MMP21: variants seen among roughly 807,000 people sequenced by gnomAD.
MMP21 encodes the protein matrix metallopeptidase 21.
In MMP21, 40 loss-of-function variants were observed where a neutral mutation model predicts 47.8. The ratio of observed to expected loss-of-function variants is 0.84; its 90% CI spans 0.65 to 1.09. MMP21 has a LOEUF of 1.09. Ranked by LOEUF, MMP21 falls within the 50% of genes least tolerant of loss-of-function variation. The pLI is 0.00. For missense variants in MMP21, 747 were observed against 775.3 expected, an observed-to-expected ratio of 0.96 and a Z score of 0.43; for synonymous variants, 341 against 318.0, an observed-to-expected ratio of 1.07 and a Z score of -0.77.
At chr10:125,771,055 T>A (rs979413450) in intron 4 of MMP21, among the ~76,000 whole-genome samples, 8 of 151,332 alleles carry the variant, frequency 5.3e-5, no homozygotes, top group African/African-American at 1.9e-4. Flanking sequence ...CAGATTGAGG[T>A]GGTGCGCAGA....
At position 125,774,263 on chromosome 10, in the gene MMP21, C is replaced by T. The variant is rs1039483424; in HGVS notation, c.265G>A (p.Val89Met). 7.1e-7 allele frequency: 1 copy of T among 1,415,534 alleles called. No homozygotes were observed. Among genetic ancestry groups the T allele is most frequent in the Admixed American group, 3.1e-5 (1 of 32,342 alleles). The allele number at this position is 1,415,534 out of a possible 1,614,324, so 87.7% of individuals were successfully genotyped here. A position where few individuals can be genotyped will look rare whatever the true frequency, so the allele number is the denominator to read the frequency against. Reference sequence around the variant, plus strand: ...GCGTTCGCCCGCTGGAACCTGCGCACCGCCTCGGCCAGGGCGGCGCCCTTG... The same window carrying T: ...GCGTTCGCCCGCTGGAACCTGCGCATCGCCTCGGCCAGGGCGGCGCCCTTG... The part of the protein sequence containing the change: ...TPKGAALAEA[V>M]RRFQRANALP... The change falls in exon 2 of 7, where the codon GTG (valine) becomes ATG (methionine). Residue 89 changes from valine to methionine, a missense_variant. Physicochemically the swap from Val to Met is conservative, Grantham distance 21. Coordinates refer to ENST00000368808, the MANE Select transcript of MMP21 (RefSeq NM_147191.1).
In MMP21 at chr10:125,766,639, C is replaced by G; in HGVS notation, c.*23G>C. 1 of 1,556,764 alleles carries G rather than the reference C, an allele frequency of 6.4e-7. No homozygotes were observed. On this transcript the variant is annotated 3_prime_UTR_variant, in exon 7 of 7. Coordinates refer to ENST00000368808, the MANE Select transcript of MMP21 (RefSeq NM_147191.1). ...CAGAATTTTAGCGAAGTCCTATGAC[C>G]CTCCATTTCCTACTTTTTCTTATTA...
intron 1 of MMP21, among the ~76,000 whole-genome samples, 199 bp downstream of exon 1, chr10:125,775,461 C>T (rs1022742163): frequency 2.0e-5 from 3 of 152,200 alleles, no homozygotes; most frequent in Non-Finnish European, 4.4e-5. Flanking sequence ...GTGGGATTGT[C>T]GAATCAGGTT....
In MMP21 at chr10:125,766,525, T is replaced by C. The variant is rs1012970380; in HGVS notation, c.*137A>G. On this transcript the variant is annotated 3_prime_UTR_variant, in exon 7 of 7. Transcript: ENST00000368808. ...GTTTTTAAATCAAGTATTTTAAAAG[T>C]TCAACTAAGGCTTTTCCCATTGGGT... is the stretch of plus-strand genomic sequence containing the variant. The C allele has an allele frequency of 1.1e-4, 66 of 622,638 alleles. No homozygotes were observed. The highest frequency in any genetic ancestry group is 9.7e-5 in the Non-Finnish European group (37 of 381,890). 38.6% of individuals were successfully genotyped at this position (622,638 alleles called of 1,614,324 possible). A position where few individuals can be genotyped will look rare whatever the true frequency, so the allele number is the denominator to read the frequency against.
At position 125,772,508 on chromosome 10, in the gene MMP21, C is replaced by T. The variant is rs953258893; in HGVS notation, c.837+103G>A. On this transcript the variant is annotated intron_variant, in intron 3 of 6. Transcript: ENST00000368808. This position sits in a 1 kb window ranked among gnomAD's most constrained non-coding sequence, Gnocchi z 5.6. The stretch of plus-strand genomic sequence containing the variant: ...GGGAGCCATTCCACGGATTCACCTC[C>T]TCAGAGGTTGCGGACACTACATGAG... The T allele has an allele frequency of 6.3e-7, 1 of 1,582,898 alleles. No individual in the cohort carries two copies. Among genetic ancestry groups the T allele is most frequent in the African/African-American group, 1.3e-5 (1 of 74,486 alleles).
chr10:125,774,212 C>A lies in MMP21; in HGVS notation c.316G>T (p.Ala106Ser). 2.2e-6 allele frequency: 3 copies of A among 1,371,272 alleles called. No homozygotes were observed. In the East Asian group the frequency reaches 9.6e-5, roughly 44 times the overall value. The allele number at this position is 1,371,272 out of a possible 1,614,324, so 84.9% of individuals were successfully genotyped here. The change falls in exon 2 of 7, where the codon GCG (alanine) becomes TCG (serine). Residue 106 changes from alanine to serine, a missense_variant. Ala to Ser is a moderately conservative substitution (Grantham distance 99). Transcript: ENST00000368808. Reference protein sequence around the residue: ...NALPASGELDAATLAAMNRPR... With the variant: ...NALPASGELDSATLAAMNRPR... ...CGGTTCATGGCCGCTAGGGTGGCCG[C>A]GTCCAGCTCCCCGCTGGCCGGCAGC... is the stretch of plus-strand genomic sequence containing the variant.
At chr10:125,771,032 A>C (rs1347356051) in intron 4 of MMP21, among the ~76,000 whole-genome samples, 1 of 151,406 alleles carries the variant, frequency 6.6e-6, no homozygotes, top group African/African-American at 2.4e-5. Flanking sequence ...CCTATCTTGA[A>C]AAGAAAAAAA....
Position 125,774,269 on chromosome 10 carries a change from C to G in MMP21, c.259G>C (p.Glu87Gln), listed in dbSNP as rs1342986360. Residue 87 changes from glutamate to glutamine, a missense_variant, in exon 2 of 7, where the codon GAG becomes CAG. Coordinates refer to ENST00000368808, the MANE Select transcript of MMP21 (RefSeq NM_147191.1). ...PETPKGAALAEAVRRFQRANA... is the reference protein window; with the variant it reads ...PETPKGAALAQAVRRFQRANA... ...GCCCGCTGGAACCTGCGCACCGCCT[C>G]GGCCAGGGCGGCGCCCTTGGGGGTC... The G allele has an allele frequency of 2.1e-6, 3 of 1,414,268 alleles. No homozygotes were observed. In the Admixed American group the frequency reaches 9.4e-5, roughly 44 times the overall value. The allele number at this position is 1,414,268 out of a possible 1,614,324, so 87.6% of individuals were successfully genotyped here.
chr10:125,766,467 T>C lies in MMP21; in HGVS notation c.*195A>G. 2 of 515,576 alleles carry C rather than the reference T, an allele frequency of 3.9e-6. No individual in the cohort carries two copies. Among genetic ancestry groups the C allele is most frequent in the Non-Finnish European group, 6.6e-6 (2 of 302,672 alleles). 31.9% of individuals were successfully genotyped at this position (515,576 alleles called of 1,614,324 possible). Reference sequence around the variant, plus strand: ...TTGTTTTTTTGTTTTTTTAAACCTTTTAGTTTATGAATTATGTTTTGCCTG... The same window carrying C: ...TTGTTTTTTTGTTTTTTTAAACCTTCTAGTTTATGAATTATGTTTTGCCTG... On this transcript the variant is annotated 3_prime_UTR_variant, in exon 7 of 7. Transcript: ENST00000368808.
Position 125,772,128 on chromosome 10 carries a change from G to T in MMP21, c.979+90C>A. ...GTACAACGTTGCGCTCTTAGGCCCA[G>T]TTTCCCAGTGAGGAGTGAGCGGGGT... On this transcript the variant is annotated intron_variant, in intron 4 of 6. Coordinates refer to ENST00000368808, the MANE Select transcript of MMP21 (RefSeq NM_147191.1). The surrounding 1 kb of genome is among the most constrained non-coding windows in gnomAD (Gnocchi z 5.6). The T allele has an allele frequency of 6.7e-7, 1 of 1,500,422 alleles. No individual in the cohort carries two copies. Among genetic ancestry groups the T allele is most frequent in the Non-Finnish European group, 9.1e-7 (1 of 1,093,428 alleles). 92.9% of individuals were successfully genotyped at this position (1,500,422 alleles called of 1,614,324 possible).
chr10:125,775,724 C>A lies in MMP21; in HGVS notation c.98G>T (p.Arg33Leu). The change falls in exon 1 of 7, where the codon CGC (arginine) becomes CTC (leucine). Residue 33 changes from arginine (R) to leucine (L), a missense_variant. Transcript: ENST00000368808. ...QPESLFHSRD[R>L]SDLEPSPLRQ... Reference sequence around the variant, plus strand: ...CAGTGGGGACGGCTCCAGGTCCGAGCGGTCCCGGCTGTGGAAGAGACTCTC... The same window carrying A: ...CAGTGGGGACGGCTCCAGGTCCGAGAGGTCCCGGCTGTGGAAGAGACTCTC... 1 of 1,613,438 alleles carries A rather than the reference C, an allele frequency of 6.2e-7. No homozygotes were observed. The highest frequency in any genetic ancestry group is 1.7e-5 in the Admixed American group (1 of 59,950).
In MMP21 at chr10:125,772,747, C is replaced by G; in HGVS notation, c.701G>C (p.Arg234Pro). The G allele has an allele frequency of 6.2e-7, 1 of 1,612,676 alleles. No individual in the cohort carries two copies. The highest frequency in any genetic ancestry group is 8.5e-7 in the Non-Finnish European group (1 of 1,179,242). ...GAAGGCCCGCGGACAGCCCAGGTGC[C>G]GGCCTGGCGAGGGGGAGGAGGAGTT... ...VDIKLGFGRGRHLGCPRAFDG... is the reference protein window; with the variant it reads ...VDIKLGFGRGPHLGCPRAFDG... The change falls in exon 3 of 7, where the codon CGG becomes CCG. Residue 234 changes from arginine (R) to proline (P), a missense_variant. Physicochemically the swap from Arg to Pro is moderately radical, Grantham distance 103. Transcript: ENST00000368808. The surrounding 1 kb of genome is among the most constrained non-coding windows in gnomAD (Gnocchi z 5.6).
At position 125,772,090 on chromosome 10, in the gene MMP21, G is replaced by T; in HGVS notation, c.979+128C>A. 1 of 1,162,722 alleles carries T rather than the reference G, an allele frequency of 8.6e-7. No individual in the cohort carries two copies. The highest frequency in any genetic ancestry group is 1.2e-6 in the Non-Finnish European group (1 of 813,726). The allele number at this position is 1,162,722 out of a possible 1,614,324, so 72.0% of individuals were successfully genotyped here. On this transcript the variant is annotated intron_variant, in intron 4 of 6. Transcript: ENST00000368808. This position sits in a 1 kb window ranked among gnomAD's most constrained non-coding sequence, Gnocchi z 5.6. ...GGGAGCTAGAGGGTGGCTACCCTTG[G>T]GTGACATGAGTTGTACAACGTTGCG...
In MMP21 at chr10:125,771,582, A is replaced by G. The variant is rs533515028; in HGVS notation, c.979+636T>C. Among the ~76,000 whole-genome samples the G allele has an allele frequency of 1.8e-4, 28 of 152,016 alleles. No individual in the cohort carries two copies. The South Asian group carries it at 5.8e-3, about 32-fold the overall frequency. On this transcript the variant is annotated intron_variant, in intron 4 of 6. Coordinates refer to ENST00000368808, the MANE Select transcript of MMP21 (RefSeq NM_147191.1). ...CCATGTCCGGCTAATTTTTGTATTTATGGTAGAGAAAGGGTTTCAACATGT... is the reference window on the plus strand; with the variant it reads ...CCATGTCCGGCTAATTTTTGTATTTGTGGTAGAGAAAGGGTTTCAACATGT...
rs1340347321 is a variant in MMP21 at position 125,774,425 on chromosome 10, C to G, written c.163-60G>C. The G allele has an allele frequency of 3.3e-6, 4 of 1,225,934 alleles. No individual in the cohort carries two copies. In the South Asian group the frequency reaches 9.6e-5, roughly 29 times the overall value. 75.9% of individuals were successfully genotyped at this position (1,225,934 alleles called of 1,614,324 possible). A position where few individuals can be genotyped will look rare whatever the true frequency, so the allele number is the denominator to read the frequency against. The stretch of plus-strand genomic sequence containing the variant: ...CTCGCTCGGGGCCCTCCCGGGCTGC[C>G]CTGCCCCAAAGTCTAGAGAGACAGA... On this transcript the variant is annotated intron_variant, in intron 1 of 6. Coordinates refer to ENST00000368808, the MANE Select transcript of MMP21 (RefSeq NM_147191.1).
At chr10:125,768,134 T>A (rs539562620) in intron 5 of MMP21, among the ~76,000 whole-genome samples, 1 of 152,360 alleles carries the variant, frequency 6.6e-6, no homozygotes, top group South Asian at 2.1e-4. Flanking sequence ...TGGAATCACT[T>A]TCGTATCCTA....
intron 4 of MMP21, 88 bp from the exon 5 acceptor site, chr10:125,770,679 C>G (rs538574499): frequency 1.6e-5 from 23 of 1,451,122 alleles, no homozygotes; most frequent in Non-Finnish European, 2.0e-5. Flanking sequence ...AAGACAGTTG[C>G]AAAGCTGGGG....
rs146537734 is a variant in MMP21, at chr10:125,772,662, G to A, written c.786C>T (p.Asp262=). ...AWRLGDIHFD[D]DEHFTPPTSD... The stretch of plus-strand genomic sequence containing the variant: ...TGGTGGGAGGTGTGAAGTGCTCGTC[G>A]TCGTCAAAGTGAATGTCACCTAGGC... Residue 262 remains aspartate (D), a synonymous_variant, in exon 3 of 7, where the codon GAC becomes GAT. Transcript: ENST00000368808. This position sits in a 1 kb window ranked among gnomAD's most constrained non-coding sequence, Gnocchi z 5.6. 3.3e-5 allele frequency: 54 copies of A among 1,614,098 alleles called. 1 individual carries two copies. Among genetic ancestry groups the A allele is most frequent in the South Asian group, 1.4e-4 (13 of 91,090 alleles).
At chr10:125,768,875 AGTT>A (rs1186653610) in intron 5 of MMP21, among the ~76,000 whole-genome samples, 1 of 152,208 alleles carries the variant, frequency 6.6e-6, no homozygotes, top group African/African-American at 2.4e-5. Context: ...GCTGTAAGTC[AGTT>A]TTTTTATGTA....
Sources: allele counts gnomAD v4.1 joint callset (sites outside exome capture counted in the v4.1 genomes callset), GRCh38; gene constraint gnomAD v4.1.1; non-coding constraint Gnocchi (gnomAD v3.1); transcripts MANE v1.5; gene names NCBI Gene and HGNC (gene_info 2026-07-23, HGNC 2026-07-21).